Variants in SHROOM3 observed in about 807,000 individuals in gnomAD.
The protein encoded by SHROOM3 is protein Shroom3.
SHROOM3 carries 47 observed loss-of-function variants against 138.6 expected under a neutral mutation model. The ratio of observed to expected loss-of-function variants is 0.34; its 90% CI spans 0.27 to 0.43. The LOEUF (loss-of-function observed/expected upper bound fraction) is 0.43. Among genes scored for constraint, SHROOM3 ranks in the 20% least tolerant of loss-of-function variants. The pLI is 1.00. For synonymous variants in SHROOM3, 1,062 were observed against 1,063.3 expected, an observed-to-expected ratio of 1.00 and a Z score of 0.02; for missense variants, 2,491 against 2,596.5, an observed-to-expected ratio of 0.96 and a Z score of 0.88.
At chr4:76,469,584 G>A (rs1731324149) in intron 1 of SHROOM3, among the ~76,000 whole-genome samples, 1 of 152,138 alleles carries the variant, frequency 6.6e-6, no homozygotes, top group Admixed American at 6.5e-5. Flanking sequence ...AGCCTCCTGA[G>A]TAGCTGGGAC....
chr4:76,534,769 A>C (rs1051165453), intron 1 of SHROOM3, among the ~76,000 whole-genome samples: 2 of 152,136 alleles, frequency 1.3e-5, no homozygotes, highest in Non-Finnish European at 2.9e-5. Context: ...CCACAGATCT[A>C]TTCCTGCACC....
chr4:76,507,103 G>A (rs1483051795), intron 1 of SHROOM3, among the ~76,000 whole-genome samples: 1 of 152,108 alleles, frequency 6.6e-6, no homozygotes, highest in East Asian at 1.9e-4. Flanking sequence ...ATTATAATTT[G>A]CAATGATAAT....
In SHROOM3 at chr4:76,754,095, A is replaced by C. The variant is rs80198626; in HGVS notation, c.3828-216A>C. Among the ~76,000 whole-genome samples, 501 of 152,280 alleles carry C rather than the reference A, an allele frequency of 3.3e-3. 4 individuals are homozygous for C. The highest frequency in any genetic ancestry group is 0.012 in the African/African-American group (481 of 41,566). ...AATGCCTTGTGAACCCAGTCATTCC[A>C]TGTGACATTTTCCTGTAGGAATTTA... On this transcript the variant is annotated intron_variant, in intron 6 of 10. Coordinates refer to ENST00000296043, the MANE Select transcript of SHROOM3 (RefSeq NM_020859.4).
At chr4:76,609,560 T>G (rs1734718907) in intron 2 of SHROOM3, among the ~76,000 whole-genome samples, 1 of 152,208 alleles carries the variant, frequency 6.6e-6, no homozygotes, top group Non-Finnish European at 1.5e-5. Context: ...CGTGAGCCAT[T>G]GCAACTGGCC....
chr4:76,689,769 G>T (rs1719462215), intron 2 of SHROOM3: 1 of 983,576 alleles, frequency 1.0e-6, no homozygotes, highest in African/African-American at 1.7e-5. Context: ...TCTGGAGCGC[G>T]TCTATTTCGG....
At position 76,756,487 on chromosome 4, in the gene SHROOM3, G is replaced by T. The variant is rs1403986314; in HGVS notation, c.4748G>T (p.Arg1583Met). 6.2e-7 allele frequency: 1 copy of T among 1,613,380 alleles called. No homozygotes were observed. The highest frequency in any genetic ancestry group is 1.3e-5 in the African/African-American group (1 of 74,634). Residue 1583 changes from arginine (R) to methionine (M), a missense_variant, in exon 8 of 11, where the codon AGG (arginine) becomes ATG (methionine). Coordinates refer to ENST00000296043, the MANE Select transcript of SHROOM3 (RefSeq NM_020859.4). ...TCTAAAGTGACAATTGCAAGGGAAA[G>T]GCACATGCCTGGTGCAGCCCATGTG... ...KLSKVTIARE[R>M]HMPGAAHVVG...
At position 76,551,893 on chromosome 4, in the gene SHROOM3, G is replaced by A. The variant is rs550361128; in HGVS notation, c.169-3716G>A. ...TTATTTTTTTTTGAGACAGAGTCTC[G>A]CTCTGTCACCCAGGCTGGAGTGCAG... On this transcript the variant is annotated intron_variant, in intron 1 of 10. Coordinates refer to ENST00000296043, the MANE Select transcript of SHROOM3 (RefSeq NM_020859.4). 6.6e-5 allele frequency among the ~76,000 whole-genome samples: 10 copies of A among 151,328 alleles called. No individual in the cohort carries two copies. The South Asian group carries it at 8.4e-4, about 13-fold the overall frequency.
chr4:76,713,204 ATAAACTTT>A (rs935804769), intron 3 of SHROOM3, among the ~76,000 whole-genome samples: 2 of 152,240 alleles, frequency 1.3e-5, no homozygotes, highest in Non-Finnish European at 2.9e-5. Flanking sequence ...CTGTAACTTT[ATAAACTTT>A]TAAACTTTTA....
chr4:76,445,570 C>A (rs1296030830), intron 1 of SHROOM3, among the ~76,000 whole-genome samples: 1 of 151,938 alleles, frequency 6.6e-6, no homozygotes, highest in Non-Finnish European at 1.5e-5. Flanking sequence ...TTAGAAAGTT[C>A]TAGAAACAAA....
chr4:76,655,827 A>G (rs953322664), intron 2 of SHROOM3, among the ~76,000 whole-genome samples: 8 of 152,188 alleles, frequency 5.3e-5, no homozygotes, highest in African/African-American at 1.9e-4. Flanking sequence ...ACTGGCATTT[A>G]TCTCTCAGGA....
intron 2 of SHROOM3, among the ~76,000 whole-genome samples, chr4:76,623,056 A>G (rs1001118500): frequency 1.3e-5 from 2 of 152,204 alleles, no homozygotes; most frequent in East Asian, 3.8e-4. Flanking sequence ...TTACTGTTTT[A>G]GTAATATATT....
intron 1 of SHROOM3, among the ~76,000 whole-genome samples, chr4:76,538,176 G>A (rs1011693899): frequency 6.6e-6 from 1 of 152,224 alleles, no homozygotes; most frequent in Non-Finnish European, 1.5e-5. Context: ...TGGGATTACA[G>A]GCGTGAGCCA....
intron 3 of SHROOM3, among the ~76,000 whole-genome samples, chr4:76,726,497 C>G (rs1720708571): frequency 7.0e-6 from 1 of 142,814 alleles, no homozygotes; most frequent in South Asian, 2.2e-4. Flanking sequence ...CATCAGCATC[C>G]TGCTTATTTC....
At position 76,778,906 on chromosome 4, in the gene SHROOM3, G is replaced by T; in HGVS notation, c.5720G>T (p.Gly1907Val). 1 of 1,613,616 alleles carries T rather than the reference G, an allele frequency of 6.2e-7. No homozygotes were observed. Among genetic ancestry groups the T allele is most frequent in the Non-Finnish European group, 8.5e-7 (1 of 1,180,032 alleles). Residue 1907 changes from glycine (G) to valine (V), a missense_variant, in exon 11 of 11, where the codon GGC becomes GTC. Coordinates refer to ENST00000296043, the MANE Select transcript of SHROOM3 (RefSeq NM_020859.4). ...GATCGCAGGGAGCGAGTAGTGCTGG[G>T]CATCTTGGCCAATTACCTTTCAGAG... ...NLDRRERVVL[G>V]ILANYLSEEQ...
intron 2 of SHROOM3, chr4:76,586,330 C>T: frequency 1.0e-6 from 1 of 985,764 alleles, no homozygotes. Context: ...CTTCCTGGGC[C>T]AGAACCGTGC....
intron 1 of SHROOM3, among the ~76,000 whole-genome samples, chr4:76,494,883 A>G (rs989107001): frequency 6.6e-6 from 1 of 152,228 alleles, no homozygotes. Flanking sequence ...TTTGTCATCT[A>G]TGCAACATAA....
At chr4:76,595,596 T>A (rs1734364744) in intron 2 of SHROOM3, among the ~76,000 whole-genome samples, 1 of 131,530 alleles carries the variant, frequency 7.6e-6, no homozygotes, top group South Asian at 2.6e-4. Context: ...CAAACTCTCT[T>A]TTTTTAGGAG....
chr4:76,578,930 C>G (rs747498663), intron 2 of SHROOM3, among the ~76,000 whole-genome samples: 39 of 152,166 alleles, frequency 2.6e-4, no homozygotes, highest in Non-Finnish European at 4.9e-4. Flanking sequence ...GGCATGGCGG[C>G]TCATGCCTGT....
At chr4:76,461,661 G>T (rs1206904286) in intron 1 of SHROOM3, among the ~76,000 whole-genome samples, 1 of 152,196 alleles carries the variant, frequency 6.6e-6, no homozygotes, top group Non-Finnish European at 1.5e-5. Flanking sequence ...ACAGCAGTGT[G>T]AAGGTATGCT....
Sources: allele counts gnomAD v4.1 joint callset (sites outside exome capture counted in the v4.1 genomes callset), GRCh38; gene constraint gnomAD v4.1.1; transcripts MANE v1.5; gene names NCBI Gene and HGNC (gene_info 2026-07-23, HGNC 2026-07-21).